The following ASH1L variants were observed in gnomAD, a reference collection of about 807,000 sequenced individuals.
The protein encoded by ASH1L is ASH1 like histone lysine methyltransferase, also known as histone-lysine N-methyltransferase ASH1L.
ASH1L carries 23 observed loss-of-function variants against 269.0 expected under a neutral mutation model. That is an observed-to-expected ratio of 0.09 (90% CI 0.06 to 0.12). The LOEUF (loss-of-function observed/expected upper bound fraction) is 0.12, where lower values mean the gene tolerates loss of function less well. ASH1L is among the 10% of genes least tolerant of loss of function. The pLI is 1.00. For synonymous variants in ASH1L, 1,187 were observed against 1,253.5 expected, an observed-to-expected ratio of 0.95 and a Z score of 1.12; for missense variants, 2,912 against 3,567.8, an observed-to-expected ratio of 0.82 and a Z score of 4.68.
At chr1:155,403,795 T>G (rs770486964) in intron 6 of ASH1L, among the ~76,000 whole-genome samples, 3 of 151,652 alleles carry the variant, frequency 2.0e-5, no homozygotes, top group Non-Finnish European at 4.4e-5. Context: ...TGACTTGAAA[T>G]ACAGAAGCTT....
rs535000030 is a variant in ASH1L at position 155,340,473 on chromosome 1, G to A, written c.8461-1105C>T. ...TGGGATTACAGGTGTGAGCCACCGCGCCTGGCCCTGGTTAGATTATTGCTA... is the reference window on the plus strand; with the variant it reads ...TGGGATTACAGGTGTGAGCCACCGCACCTGGCCCTGGTTAGATTATTGCTA... On this transcript the variant is annotated intron_variant, in intron 25 of 27. Transcript: ENST00000392403. Among the ~76,000 whole-genome samples, 39 of 152,170 alleles carry A rather than the reference G, an allele frequency of 2.6e-4. 1 individual carries two copies. Among genetic ancestry groups the A allele is most frequent in the Non-Finnish European group, 3.4e-4 (23 of 68,014 alleles).
intron 5 of ASH1L, among the ~76,000 whole-genome samples, chr1:155,430,060 C>T (rs1488517741): frequency 2.6e-5 from 4 of 152,100 alleles, no homozygotes; most frequent in Non-Finnish European, 5.9e-5. Flanking sequence ...ACTGCAACCT[C>T]CGCCTGCCAG....
intron 2 of ASH1L, among the ~76,000 whole-genome samples, chr1:155,503,684 A>C (rs1667646779): frequency 1.3e-5 from 2 of 152,226 alleles, no homozygotes; most frequent in South Asian, 4.1e-4. Flanking sequence ...GTTCCAGGGA[A>C]GCCACAGTTA....
At chr1:155,503,726 T>C (rs1667648746) in intron 2 of ASH1L, among the ~76,000 whole-genome samples, 1 of 152,172 alleles carries the variant, frequency 6.6e-6, no homozygotes, top group African/African-American at 2.4e-5. Flanking sequence ...TCCCTGTAAG[T>C]CCTTATCCAA....
intron 2 of ASH1L, among the ~76,000 whole-genome samples, chr1:155,498,453 T>C (rs887864208): frequency 2.0e-5 from 3 of 152,150 alleles, no homozygotes. Context: ...TTGTTTTTTG[T>C]ATTTTGAGAC....
chr1:155,492,130 G>C (rs577408157), intron 2 of ASH1L, among the ~76,000 whole-genome samples: 3 of 149,472 alleles, frequency 2.0e-5, no homozygotes, highest in African/African-American at 4.9e-5. Flanking sequence ...CTGCCTCCCA[G>C]GTTGAAGTGA....
chr1:155,493,729 C>T (rs762964998), intron 2 of ASH1L, among the ~76,000 whole-genome samples: 2 of 151,990 alleles, frequency 1.3e-5, no homozygotes, highest in Non-Finnish European at 2.9e-5. Flanking sequence ...AAAAAATTAG[C>T]TGGGTGTGGC....
intron 1 of ASH1L, among the ~76,000 whole-genome samples, chr1:155,524,986 G>A (rs1669144771): frequency 6.6e-6 from 1 of 152,076 alleles, no homozygotes; most frequent in African/African-American, 2.4e-5. Context: ...GGTGGCTCAC[G>A]CCTGTATTAC....
chr1:155,350,407 A>G (rs944860453), intron 17 of ASH1L, among the ~76,000 whole-genome samples: 13 of 152,256 alleles, frequency 8.5e-5, no homozygotes, highest in Admixed American at 2.6e-4. Flanking sequence ...CAATTCTAAG[A>G]TTGTCTAGGA....
intron 5 of ASH1L, among the ~76,000 whole-genome samples, chr1:155,431,707 G>C (rs1412118743): frequency 6.6e-6 from 1 of 152,074 alleles, no homozygotes. Context: ...AGGTTGCAGT[G>C]AACTGAGATT....
rs151108430 is a variant in ASH1L, at chr1:155,558,255, G to C, written c.-100+3898C>G. Among the ~76,000 whole-genome samples the C allele has an allele frequency of 5.8e-3, 885 of 152,132 alleles. 7 individuals carry two copies. Among genetic ancestry groups the C allele is most frequent in the African/African-American group, 0.02 (831 of 41,498 alleles). On this transcript the variant is annotated intron_variant, in intron 1 of 27. Transcript: ENST00000392403. ...AGGCCGAGGCGGGTGGATCACCAGA[G>C]GTCAGGAGTTTGAGACCAGCCTGAC...
In ASH1L at chr1:155,562,730, A is replaced by G; in HGVS notation, c.-677T>C. On this transcript the variant is annotated 5_prime_UTR_variant, in exon 1 of 28. Coordinates refer to ENST00000392403, the MANE Select transcript of ASH1L (RefSeq NM_018489.3). ...GAACCCCCTCGTCCAGTCCCTCACT[A>G]CCCCTCAGGCCCTGTCAAGCCGGCG... 1 of 1,339,908 alleles carries G rather than the reference A, an allele frequency of 7.5e-7. No homozygotes were observed. 83.0% of individuals were successfully genotyped at this position (1,339,908 alleles called of 1,614,324 possible).
chr1:155,488,280 T>C (rs1666464515), intron 2 of ASH1L, among the ~76,000 whole-genome samples: 1 of 152,034 alleles, frequency 6.6e-6, no homozygotes, highest in Non-Finnish European at 1.5e-5. Flanking sequence ...TATGACTAAA[T>C]AAGGCACACA....
intron 1 of ASH1L, among the ~76,000 whole-genome samples, chr1:155,548,270 C>T (rs1487357018): frequency 6.6e-6 from 1 of 152,082 alleles, no homozygotes; most frequent in Non-Finnish European, 1.5e-5. Context: ...GCCTGTAATC[C>T]CAGCACTTTG....
At chr1:155,469,171 C>CT (rs1028008088) in intron 3 of ASH1L, among the ~76,000 whole-genome samples, 12 of 151,446 alleles carry the variant, frequency 7.9e-5, no homozygotes, top group African/African-American at 2.2e-4. Flanking sequence ...ACTTGACACT[C>CT]TTTTTTTTAA....
In ASH1L at chr1:155,480,707, T is replaced by G; in HGVS notation, c.2163A>C (p.Lys721Asn). 2 of 1,613,820 alleles carry G rather than the reference T, an allele frequency of 1.2e-6. No individual in the cohort carries two copies. Among genetic ancestry groups the G allele is most frequent in the African/African-American group, 1.3e-5 (1 of 75,020 alleles). Residue 721 changes from lysine (K) to asparagine (N), a missense_variant, in exon 3 of 28, where the codon AAA becomes AAC. Lys to Asn is a moderately conservative substitution (Grantham distance 94, BLOSUM62 0). This residue lies in a region of ASH1L where 715 missense variants were observed against 721.0 expected (regional missense o/e 0.99). Coordinates refer to ENST00000392403, the MANE Select transcript of ASH1L (RefSeq NM_018489.3). ...KRKGRKPRWT[K>N]VVARSTCRSP... The stretch of plus-strand genomic sequence containing the variant: ...ACCGGCATGTGCTTCTTGCCACCAC[T>G]TTAGTCCACCGAGGTTTTCTTCCTT...
intron 2 of ASH1L, among the ~76,000 whole-genome samples, chr1:155,516,764 A>T (rs2148829951): frequency 6.6e-6 from 1 of 152,278 alleles, no homozygotes; most frequent in East Asian, 1.9e-4. Flanking sequence ...GTCTCTAAAA[A>T]AAAATTAAAA....
At chr1:155,548,172 G>C (rs1255151455) in intron 1 of ASH1L, among the ~76,000 whole-genome samples, 6 of 152,136 alleles carry the variant, frequency 3.9e-5, no homozygotes, top group Admixed American at 1.3e-4. Context: ...CAGTGGGTTG[G>C]GGGGCAAGGG....
intron 1 of ASH1L, among the ~76,000 whole-genome samples, chr1:155,542,483 A>G (rs938317535): frequency 2.0e-5 from 3 of 150,166 alleles, no homozygotes; most frequent in Non-Finnish European, 3.0e-5. Context: ...TGAGAGGTGG[A>G]GCTTGCAGTG....
Sources: allele counts gnomAD v4.1 joint callset (sites outside exome capture counted in the v4.1 genomes callset), GRCh38; gene constraint gnomAD v4.1.1; regional missense constraint gnomAD v4.1.1; transcripts MANE v1.5; gene names NCBI Gene and HGNC (gene_info 2026-07-23, HGNC 2026-07-21).